DLGAP1: variants seen among roughly 807,000 people sequenced by gnomAD.
DLGAP1 encodes disks large-associated protein 1.
DLGAP1 carries 11 observed loss-of-function variants against 90.8 expected under a neutral mutation model. The ratio of observed to expected loss-of-function variants is 0.12; its 90% CI spans 0.08 to 0.20. DLGAP1 has a LOEUF of 0.20. DLGAP1 is among the 10% of genes least tolerant of loss of function. DLGAP1 has a pLI of 1.00. For missense variants in DLGAP1, 1,050 were observed against 1,333.8 expected, an observed-to-expected ratio of 0.79 and a Z score of 3.31; for synonymous variants, 558 against 540.7, an observed-to-expected ratio of 1.03 and a Z score of -0.44.
chr18:4,042,020 T>C (rs2074982230), intron 2 of DLGAP1, among the ~76,000 whole-genome samples: 1 of 152,212 alleles, frequency 6.6e-6, no homozygotes, highest in African/African-American at 2.4e-5. Flanking sequence ...TCCATTGTGT[T>C]ATAGAGATGT....
chr18:4,085,450 CT>C lies in DLGAP1; in HGVS notation c.-159+65729del, dbSNP rs553318171. Among the ~76,000 whole-genome samples, 472 of 152,306 alleles carry C rather than the reference CT, an allele frequency of 3.1e-3. 6 individuals are homozygous for C. Among genetic ancestry groups the C allele is most frequent in the African/African-American group, 0.011 (456 of 41,566 alleles). On this transcript the variant is annotated intron_variant, in intron 2 of 12. Coordinates refer to ENST00000315677, the MANE Select transcript of DLGAP1 (RefSeq NM_004746.4). ...TTGTTACCTAGGAAGCCTTTATTCC[CT>C]TCTTACCACAGGAGAAACTTTCTTT...
chr18:4,261,857 C>A (rs2079009686), intron 1 of DLGAP1, among the ~76,000 whole-genome samples: 1 of 151,896 alleles, frequency 6.6e-6, no homozygotes, highest in Non-Finnish European at 1.5e-5. Flanking sequence ...GTGAGCTAGA[C>A]AATACCAGAA....
At chr18:3,814,857 G>A (rs1214543685) in intron 4 of DLGAP1, among the ~76,000 whole-genome samples, 1 of 151,862 alleles carries the variant, frequency 6.6e-6, no homozygotes, top group African/African-American at 2.4e-5. Flanking sequence ...TCTTTTTTTG[G>A]TATGGTGCTG....
chr18:3,601,649 C>G (rs1196504488), intron 7 of DLGAP1, among the ~76,000 whole-genome samples: 3 of 151,886 alleles, frequency 2.0e-5, no homozygotes, highest in African/African-American at 7.3e-5. Flanking sequence ...TTGAGACCAG[C>G]CTGACCAACA....
At chr18:4,397,498 A>G (rs747316389) in intron 1 of DLGAP1, among the ~76,000 whole-genome samples, 7 of 152,202 alleles carry the variant, frequency 4.6e-5, no homozygotes, top group Non-Finnish European at 1.0e-4. Flanking sequence ...GATTATATCC[A>G]CTTGAAATTA....
chr18:4,087,791 T>C lies in DLGAP1; in HGVS notation c.-159+63389A>G, dbSNP rs77623975. On this transcript the variant is annotated intron_variant, in intron 2 of 12. Transcript: ENST00000315677. Reference sequence around the variant, plus strand: ...TAAATGACATATATACATATTTTCATCCTTTTACTCTTAACCTAGTTCTTT... The same window carrying C: ...TAAATGACATATATACATATTTTCACCCTTTTACTCTTAACCTAGTTCTTT... Among the ~76,000 whole-genome samples, 66 of 152,306 alleles carry C rather than the reference T, an allele frequency of 4.3e-4. 2 individuals are homozygous for C. In the East Asian group the frequency reaches 0.012, roughly 27 times the overall value.
At chr18:3,663,564 T>G (rs1168670920) in intron 7 of DLGAP1, among the ~76,000 whole-genome samples, 2 of 152,160 alleles carry the variant, frequency 1.3e-5, no homozygotes, top group Non-Finnish European at 2.9e-5. Flanking sequence ...GACCTTAAGA[T>G]TTCCTATCTC....
At chr18:3,728,329 CAT>C (rs1269861154) in intron 7 of DLGAP1, among the ~76,000 whole-genome samples, 3 of 65,476 alleles carry the variant, frequency 4.6e-5, no homozygotes, top group African/African-American at 1.4e-4. Context: ...TATATATATA[CAT>C]GTTTCATATG....
chr18:4,191,983 A>G (rs968651567), intron 1 of DLGAP1, among the ~76,000 whole-genome samples: 3 of 152,202 alleles, frequency 2.0e-5, no homozygotes, highest in African/African-American at 7.2e-5. Context: ...TAACACCAAG[A>G]GAACCCTGAA....
At chr18:3,897,505 C>A (rs919854833) in intron 3 of DLGAP1, among the ~76,000 whole-genome samples, 1 of 152,154 alleles carries the variant, frequency 6.6e-6, no homozygotes, top group Non-Finnish European at 1.5e-5. Flanking sequence ...TCCATGGCTT[C>A]ATGACAATTA....
intron 1 of DLGAP1, among the ~76,000 whole-genome samples, chr18:4,295,594 G>A (rs747008227): frequency 8.5e-5 from 13 of 152,168 alleles, no homozygotes; most frequent in Non-Finnish European, 1.3e-4. Context: ...ATAAATGGAG[G>A]TCAAGGACCT....
At chr18:3,791,104 ACCTGTCAAC>A in intron 5 of DLGAP1, among the ~76,000 whole-genome samples, 1 of 152,240 alleles carries the variant, frequency 6.6e-6, no homozygotes, top group Middle Eastern at 3.4e-3. Context: ...GGCAATAAAG[ACCTGTCAAC>A]TATGATGATG....
At chr18:4,230,975 G>T (rs1481333676) in intron 1 of DLGAP1, among the ~76,000 whole-genome samples, 1 of 151,874 alleles carries the variant, frequency 6.6e-6, no homozygotes, top group East Asian at 1.9e-4. Flanking sequence ...GCAGCGCTGT[G>T]GTAGCTGTCC....
At chr18:4,192,446 T>C (rs1425463175) in intron 1 of DLGAP1, among the ~76,000 whole-genome samples, 2 of 152,196 alleles carry the variant, frequency 1.3e-5, no homozygotes, top group Non-Finnish European at 2.9e-5. Context: ...ATACAATAAA[T>C]TTAATTTAAC....
At chr18:4,354,477 G>C (rs2081464353) in intron 1 of DLGAP1, among the ~76,000 whole-genome samples, 1 of 152,120 alleles carries the variant, frequency 6.6e-6, no homozygotes, top group South Asian at 2.1e-4. Flanking sequence ...TTTCTACACA[G>C]CTGTACATTC....
chr18:4,089,100 A>G (rs112700410), intron 2 of DLGAP1, among the ~76,000 whole-genome samples: 12,104 of 152,324 alleles, frequency 0.079, 626 homozygotes, highest in Non-Finnish European at 0.12. Context: ...CAACTTCAGC[A>G]AAGTCTCAGG....
chr18:3,531,767 G>A lies in DLGAP1; in HGVS notation c.2479+2427C>T, dbSNP rs150032084. On this transcript the variant is annotated intron_variant, in intron 10 of 12. Coordinates refer to ENST00000315677, the MANE Select transcript of DLGAP1 (RefSeq NM_004746.4). Reference sequence around the variant, plus strand: ...CAAAGTGCTAGGATTATAGGCATGAGCCACCGCACAAGGCCTATGATTATA... The same window carrying A: ...CAAAGTGCTAGGATTATAGGCATGAACCACCGCACAAGGCCTATGATTATA... Among the ~76,000 whole-genome samples, 1,101 of 152,218 alleles carry A rather than the reference G, an allele frequency of 7.2e-3. 15 individuals are homozygous for A. The highest frequency in any genetic ancestry group is 0.024 in the African/African-American group (987 of 41,522).
Position 3,729,750 on chromosome 18 carries a change from G to T in DLGAP1, c.1351-375C>A, listed in dbSNP as rs984784523. 1.3e-5 allele frequency among the ~76,000 whole-genome samples: 2 copies of T among 152,126 alleles called. No homozygotes were observed. The highest frequency in any genetic ancestry group is 2.9e-5 in the Non-Finnish European group (2 of 68,046). On this transcript the variant is annotated intron_variant, in intron 6 of 12. Coordinates refer to ENST00000315677, the MANE Select transcript of DLGAP1 (RefSeq NM_004746.4). This position sits in a 1 kb window ranked among gnomAD's most constrained non-coding sequence, Gnocchi z 6.2. The stretch of plus-strand genomic sequence containing the variant: ...GAAAAAAGGGCACCGTTTGTAGAAC[G>T]CAAGGAAATGTGGGGCTTATTCCAA...
At chr18:4,065,130 C>G (rs1433023563) in intron 2 of DLGAP1, among the ~76,000 whole-genome samples, 1 of 151,960 alleles carries the variant, frequency 6.6e-6, no homozygotes, top group Non-Finnish European at 1.5e-5. Flanking sequence ...ATTCAACATC[C>G]ATTCATGTTA....
Sources: allele counts gnomAD v4.1 joint callset (sites outside exome capture counted in the v4.1 genomes callset), GRCh38; gene constraint gnomAD v4.1.1; non-coding constraint Gnocchi (gnomAD v3.1); transcripts MANE v1.5; gene names NCBI Gene and HGNC (gene_info 2026-07-23, HGNC 2026-07-21).